Variants in B3GALT1 observed in about 807,000 individuals in gnomAD.
B3GALT1 encodes the protein UDP-Gal:betaGlcNAc beta 1,3-galactosyltransferase, polypeptide 1.
Under a neutral mutation model 23.2 loss-of-function variants are expected in B3GALT1, and 10 were observed. The observed-to-expected ratio is 0.43, with a 90% CI of 0.27 to 0.73. The LOEUF is 0.73. Ranked by LOEUF, B3GALT1 falls within the 30% of genes least tolerant of loss-of-function variation. The pLI is 0.21. For synonymous variants in B3GALT1, 156 were observed against 141.5 expected (o/e 1.10, Z -0.73); for missense variants, 299 against 405.4 (o/e 0.74, Z 2.25).
intron 2 of B3GALT1, among the ~76,000 whole-genome samples, chr2:167,590,336 A>G (rs1256483719): frequency 3.6e-5 from 4 of 111,762 alleles, no homozygotes; most frequent in African/African-American, 1.4e-4. Flanking sequence ...ACAGAGCAAG[A>G]CTCTGTCTCA....
At chr2:167,605,481 T>C (rs565838100) in intron 2 of B3GALT1, among the ~76,000 whole-genome samples, 1 of 51,216 alleles carries the variant, frequency 2.0e-5, no homozygotes, top group Non-Finnish European at 4.4e-5. Flanking sequence ...AGGGCTCAGA[T>C]GGCATGTCAA....
At chr2:167,808,875 G>T (rs550359793) in intron 3 of B3GALT1, among the ~76,000 whole-genome samples, 1 of 152,322 alleles carries the variant, frequency 6.6e-6, no homozygotes, top group Non-Finnish European at 1.5e-5. Context: ...ATCCTGCAGC[G>T]TGTTTTCCAA....
intron 1 of B3GALT1, among the ~76,000 whole-genome samples, chr2:167,463,369 C>A (rs1699295778): frequency 6.6e-6 from 1 of 152,032 alleles, no homozygotes; most frequent in Admixed American, 6.6e-5. Context: ...GTCATCTCCT[C>A]CCTCATAATA....
intron 2 of B3GALT1, among the ~76,000 whole-genome samples, chr2:167,602,855 G>C (rs1684899680): frequency 6.6e-6 from 1 of 152,038 alleles, no homozygotes; most frequent in South Asian, 2.1e-4. Flanking sequence ...TATTTAGTAG[G>C]CTGGTCCCAA....
intron 2 of B3GALT1, among the ~76,000 whole-genome samples, chr2:167,595,526 TCTA>T (rs1684761037): frequency 6.6e-6 from 1 of 152,072 alleles, no homozygotes; most frequent in African/African-American, 2.4e-5. Context: ...ACAAAAATAA[TCTA>T]CTCTTCATTC....
At position 167,723,858 on chromosome 2, in the gene B3GALT1, A is replaced by G. The variant is rs566838605; in HGVS notation, c.-352+76892A>G. ...ACTGTCAATTTATTTTCATATATTT[A>G]GTTTGAACTTCATCTCATTAGCCTA... On this transcript the variant is annotated intron_variant, in intron 3 of 4. Coordinates refer to ENST00000392690, the MANE Select transcript of B3GALT1 (RefSeq NM_020981.4). Among the ~76,000 whole-genome samples, 11 of 152,272 alleles carry G rather than the reference A, an allele frequency of 7.2e-5. 1 individual carries two copies. The highest frequency in any genetic ancestry group is 2.4e-4 in the African/African-American group (10 of 41,558).
intron 1 of B3GALT1, among the ~76,000 whole-genome samples, chr2:167,344,518 G>A (rs1697198640): frequency 6.6e-6 from 1 of 151,964 alleles, no homozygotes; most frequent in Non-Finnish European, 1.5e-5. Flanking sequence ...CTCTTCTTGG[G>A]AATGTTAATC....
chr2:167,462,861 C>T (rs902867034), intron 1 of B3GALT1, among the ~76,000 whole-genome samples: 3 of 152,014 alleles, frequency 2.0e-5, no homozygotes, highest in Non-Finnish European at 4.4e-5. Context: ...TTTCTGTTTC[C>T]TGTAAAGGAT....
At chr2:167,481,978 G>A (rs1699567795) in intron 1 of B3GALT1, among the ~76,000 whole-genome samples, 1 of 152,086 alleles carries the variant, frequency 6.6e-6, no homozygotes, top group Non-Finnish European at 1.5e-5. Context: ...GAAAAACAAT[G>A]TATTTCTTTT....
chr2:167,870,009 C>T lies in B3GALT1; in HGVS notation c.970C>T (p.Leu324Phe). Residue 324 changes from leucine to phenylalanine, a missense_variant, in exon 5 of 5, where the codon CTC becomes TTC. Physicochemically the swap from Leu to Phe is conservative, Grantham distance 22 (BLOSUM62 0). This residue lies in a region of B3GALT1 where 133 missense variants were observed against 204.8 expected (regional missense o/e 0.65). Coordinates refer to ENST00000392690, the MANE Select transcript of B3GALT1 (RefSeq NM_020981.4). ...GAATGACATGTCAAGCAAGAAACAT[C>T]TCAGATGTTAGGATTTTTACCAATG... ...IWNDMSSKKH[L>F]RC 1.3e-6 allele frequency: 2 copies of T among 1,595,356 alleles called. No homozygotes were observed. Among genetic ancestry groups the T allele is most frequent in the Non-Finnish European group, 1.7e-6 (2 of 1,167,396 alleles).
chr2:167,389,947 GAA>G (rs201222513), intron 1 of B3GALT1, among the ~76,000 whole-genome samples: 3,051 of 142,972 alleles, frequency 0.021, 113 homozygotes, highest in African/African-American at 0.074. Flanking sequence ...AGAAAGAAAA[GAA>G]AACCATCGCA....
chr2:167,494,343 A>G (rs1445060431), intron 2 of B3GALT1, among the ~76,000 whole-genome samples: 1 of 152,070 alleles, frequency 6.6e-6, no homozygotes, highest in Non-Finnish European at 1.5e-5. Flanking sequence ...TCTCAAAAAA[A>G]AAAAGATATC....
At chr2:167,379,302 C>T (rs1334589676) in intron 1 of B3GALT1, among the ~76,000 whole-genome samples, 2 of 152,066 alleles carry the variant, frequency 1.3e-5, no homozygotes, top group African/African-American at 4.8e-5. Flanking sequence ...CTGATCTCTC[C>T]CTTGACATGT....
At chr2:167,650,203 GTGATATATTGTATTGATTGGTTTTGTAT>G (rs1314834555) in intron 3 of B3GALT1, among the ~76,000 whole-genome samples, 82 of 150,458 alleles carry the variant, frequency 5.5e-4, no homozygotes, top group African/African-American at 1.9e-3. Flanking sequence ...TTCTACTAAT[GTGATATATTGTATTGATTGGTTTTGTAT>G]TGTTGAACCA....
chr2:167,748,039 C>T (rs1328313220), intron 3 of B3GALT1, among the ~76,000 whole-genome samples: 2 of 152,012 alleles, frequency 1.3e-5, no homozygotes, highest in Non-Finnish European at 2.9e-5. Context: ...TGCCAGCATT[C>T]TGGGGAATAC....
intron 1 of B3GALT1, among the ~76,000 whole-genome samples, chr2:167,353,400 T>G (rs1697347875): frequency 6.6e-6 from 1 of 152,200 alleles, no homozygotes; most frequent in Non-Finnish European, 1.5e-5. Context: ...TTGAGCTTTT[T>G]CTAATATTGC....
intron 1 of B3GALT1, among the ~76,000 whole-genome samples, chr2:167,366,835 G>A (rs1697594210): frequency 6.6e-6 from 1 of 152,208 alleles, no homozygotes; most frequent in Admixed American, 6.5e-5. Context: ...AGAAACTTCA[G>A]ACCTCCTCCT....
At chr2:167,689,866 A>T (rs1686682150) in intron 3 of B3GALT1, among the ~76,000 whole-genome samples, 1 of 152,096 alleles carries the variant, frequency 6.6e-6, no homozygotes, top group African/African-American at 2.4e-5. Flanking sequence ...TTTGTTAAGG[A>T]CTGTGCCAGG....
chr2:167,739,070 C>G (rs999408065), intron 3 of B3GALT1, among the ~76,000 whole-genome samples: 19 of 152,286 alleles, frequency 1.2e-4, no homozygotes, highest in Admixed American at 1.0e-3. Context: ...ATTCCCTCTG[C>G]CCCTCTGCTC....
Sources: gnomAD v4.1 joint callset for allele counts (sites outside exome capture counted in the v4.1 genomes callset) on GRCh38, gnomAD v4.1.1 for gene constraint, gnomAD v4.1.1 regional missense constraint, MANE v1.5 for transcripts, NCBI Gene and HGNC (gene_info 2026-07-23, HGNC 2026-07-21) for gene names.